PCDHA1: variants seen among roughly 807,000 people sequenced by gnomAD.
The protein encoded by PCDHA1 is protocadherin alpha-1.
Under a neutral mutation model 61.3 loss-of-function variants are expected in PCDHA1, and 42 were observed. The observed-to-expected ratio is 0.69, with a 90% CI of 0.54 to 0.89. PCDHA1 has a LOEUF of 0.89. Ranked by LOEUF, PCDHA1 falls within the 40% of genes least tolerant of loss-of-function variation. The pLI is 0.00. For synonymous variants in PCDHA1, 610 were observed against 553.8 expected, an observed-to-expected ratio of 1.10 and a Z score of -1.43; for missense variants, 1,256 against 1,235.3, an observed-to-expected ratio of 1.02 and a Z score of -0.25.
At chr5:140,943,893 A>AT (rs1364551909) in intron 1 of PCDHA1, among the ~76,000 whole-genome samples, 3 of 152,226 alleles carry the variant, frequency 2.0e-5, no homozygotes, top group Non-Finnish European at 4.4e-5. Flanking sequence ...ACTGGTCATT[A>AT]TGATGTCATG....
chr5:140,919,239 C>G (rs2079049864), intron 1 of PCDHA1, among the ~76,000 whole-genome samples: 1 of 152,188 alleles, frequency 6.6e-6, no homozygotes, highest in Non-Finnish European at 1.5e-5. Context: ...CACTTTTTGT[C>G]TTGTCTGTTT....
Position 141,012,307 on chromosome 5 carries a change from T to G in PCDHA1, c.*2370T>G, listed in dbSNP as rs369179929. ...CATTTTGAATTGGTGCTATTGGTAT[T>G]TCCTCTGTTATTGCTAATAAATGAA... On this transcript the variant is annotated 3_prime_UTR_variant, in exon 4 of 4. Transcript: ENST00000504120. 1 of 153,794 alleles carries G rather than the reference T, an allele frequency of 6.5e-6. No homozygotes were observed. The highest frequency in any genetic ancestry group is 1.5e-5 in the Non-Finnish European group (1 of 68,040). 9.5% of individuals were successfully genotyped at this position (153,794 alleles called of 1,614,324 possible).
chr5:140,796,803 G>A, intron 1 of PCDHA1: 1 of 1,614,130 alleles, frequency 6.2e-7, no homozygotes, highest in Non-Finnish European at 8.5e-7. Flanking sequence ...AGCTTCAGCT[G>A]GGTACTGGCA....
At chr5:140,998,099 CAGA>C (rs2097796305) in intron 3 of PCDHA1, among the ~76,000 whole-genome samples, 1 of 152,130 alleles carries the variant, frequency 6.6e-6, no homozygotes, top group African/African-American at 2.4e-5. Context: ...CTAGAGCAAA[CAGA>C]GGAGAAAATT....
chr5:140,927,339 A>G lies in PCDHA1; in HGVS notation c.2395-51610A>G, dbSNP rs532353795. 3.7e-6 allele frequency: 6 copies of G among 1,614,052 alleles called. No individual in the cohort carries two copies. The South Asian group carries it at 4.4e-5, about 12-fold the overall frequency. The stretch of plus-strand genomic sequence containing the variant: ...CCCGCTTTACTCTCCCGAATGCCCA[A>G]GATGACGACGAGGGAAGCAATGGGA... On this transcript the variant is annotated intron_variant, in intron 1 of 3. Transcript: ENST00000504120.
chr5:140,979,110 C>A, intron 2 of PCDHA1, 103 bp downstream of exon 2: 1 of 1,515,726 alleles, frequency 6.6e-7, no homozygotes, highest in East Asian at 2.3e-5. Flanking sequence ...AACTAAAAAG[C>A]TTTAGGTACT....
chr5:140,950,741 C>G (rs149114023), intron 1 of PCDHA1, among the ~76,000 whole-genome samples: 2,002 of 152,118 alleles, frequency 0.013, 30 homozygotes, highest in South Asian at 0.028. Context: ...ATCCTAATTT[C>G]TCTCTATCCT....
intron 1 of PCDHA1, among the ~76,000 whole-genome samples, chr5:140,879,038 AAGAT>A (rs2057824267): frequency 6.6e-6 from 1 of 152,380 alleles, no homozygotes; most frequent in Admixed American, 6.5e-5. Flanking sequence ...AGTGTCTTGA[AAGAT>A]AGACAACATT....
At chr5:140,835,466 G>A (rs1289666864) in intron 1 of PCDHA1, 6 of 1,613,784 alleles carry the variant, frequency 3.7e-6, no homozygotes, top group Non-Finnish European at 5.1e-6. Context: ...CTATTCCAGA[G>A]GACGCCCAAC....
Position 140,787,462 on chromosome 5 carries a change from C to A in PCDHA1, c.1172C>A (p.Pro391His), listed in dbSNP as rs1462723431. 6.8e-6 allele frequency: 11 copies of A among 1,614,102 alleles called. No individual in the cohort carries two copies. The highest frequency in any genetic ancestry group is 1.3e-5 in the African/African-American group (1 of 74,938). The change falls in exon 1 of 4, where the codon CCC (proline) becomes CAC (histidine). Residue 391 changes from proline (P) to histidine (H), a missense_variant. Transcript: ENST00000504120. ...ANGQVTCSLMPHVPFKLVSTF... is the reference protein window; with the variant it reads ...ANGQVTCSLMHHVPFKLVSTF... ...GGGCAGGTGACTTGCTCCTTAATGC[C>A]CCACGTCCCCTTCAAGCTGGTGTCC... is the stretch of plus-strand genomic sequence containing the variant.
At chr5:140,823,954 A>G (rs1408335072) in intron 1 of PCDHA1, 1 of 1,613,832 alleles carries the variant, frequency 6.2e-7, no homozygotes, top group Non-Finnish European at 8.5e-7. Flanking sequence ...GGCGCAGCCC[A>G]CCGAGGCCGT....
At chr5:140,940,285 T>C (rs2092587239) in intron 1 of PCDHA1, among the ~76,000 whole-genome samples, 3 of 152,222 alleles carry the variant, frequency 2.0e-5, no homozygotes, top group Admixed American at 6.5e-5. Context: ...CTCATTGTGC[T>C]GCTTCATCAG....
chr5:140,929,681 AAG>A, intron 1 of PCDHA1: 1 of 302,408 alleles, frequency 3.3e-6, no homozygotes, highest in Non-Finnish European at 6.3e-6. Flanking sequence ...AAAAATATGT[AAG>A]AGTCTGCTTT....
chr5:140,794,931 TC>T, intron 1 of PCDHA1: 2 of 1,561,502 alleles, frequency 1.3e-6, no homozygotes, highest in Non-Finnish European at 1.7e-6. Flanking sequence ...CAAAACATGC[TC>T]TTCTAATTTG....
intron 1 of PCDHA1, chr5:140,863,570 G>A (rs912173891): frequency 1.9e-5 from 7 of 370,768 alleles, no homozygotes; most frequent in South Asian, 4.2e-5. Flanking sequence ...GAGAATATAA[G>A]TACTGTAATC....
Position 140,896,030 on chromosome 5 carries a change from C to T in PCDHA1, c.2395-82919C>T, listed in dbSNP as rs180907288. On this transcript the variant is annotated intron_variant, in intron 1 of 3. Transcript: ENST00000504120. ...TTCTCCATGTTGGCCAGGCTGGTCT[C>T]GAACTCCTGACCTCAGGTGATCCGC... Among the ~76,000 whole-genome samples, 1,221 of 152,240 alleles carry T rather than the reference C, an allele frequency of 8.0e-3. 6 individuals are homozygous for T. The highest frequency in any genetic ancestry group is 0.019 in the African/African-American group (785 of 41,560).
chr5:140,900,734 G>C (rs2068260899), intron 1 of PCDHA1, among the ~76,000 whole-genome samples: 1 of 152,200 alleles, frequency 6.6e-6, no homozygotes, highest in African/African-American at 2.4e-5. Flanking sequence ...CTAGCAGTGG[G>C]ATTTCTGGAT....
intron 1 of PCDHA1, chr5:140,852,273 G>A: frequency 4.0e-6 from 2 of 502,850 alleles, no homozygotes; most frequent in Non-Finnish European, 5.3e-6. Context: ...AATATTACAT[G>A]TTTTTTGTCT....
intron 1 of PCDHA1, chr5:140,870,429 G>T (rs1198109995): frequency 6.2e-7 from 1 of 1,614,238 alleles, no homozygotes; most frequent in African/African-American, 1.3e-5. Flanking sequence ...GGGTATCCGT[G>T]GAGGTGGCCG....
Sources: allele counts gnomAD v4.1 joint callset (sites outside exome capture counted in the v4.1 genomes callset), GRCh38; gene constraint gnomAD v4.1.1; transcripts MANE v1.5; gene names NCBI Gene and HGNC (gene_info 2026-07-23, HGNC 2026-07-21).